ZNF490: variants seen among roughly 807,000 people sequenced by gnomAD.
ZNF490 encodes the protein zinc finger protein 490.
A neutral mutation model predicts 17.7 loss-of-function variants in ZNF490; 11 were observed. That is an observed-to-expected ratio of 0.62 (90% CI 0.39 to 1.03). The LOEUF (loss-of-function observed/expected upper bound fraction) is 1.03. ZNF490 is among the 50% of genes least tolerant of loss of function. The pLI is 0.00. For missense variants in ZNF490, 542 were observed against 643.4 expected (o/e 0.84, Z 1.71); for synonymous variants, 222 against 216.1 (o/e 1.03, Z -0.24).
In ZNF490 at chr19:12,588,112, C is replaced by T. The variant is rs1290483318; in HGVS notation, c.163-4556G>A. ...CTCAAACTCCTGACCTCAGGCGATC[C>T]GCCTGCCTCCCAAAGTGCTGAGATT... On this transcript the variant is annotated intron_variant, in intron 2 of 4. Transcript: ENST00000311437. Among the ~76,000 whole-genome samples, 5 of 132,032 alleles carry T rather than the reference C, an allele frequency of 3.8e-5. 1 individual carries two copies. The highest frequency in any genetic ancestry group is 1.3e-4 in the African/African-American group (5 of 37,250). The allele number at this position is 132,032 out of a possible 152,430, so 86.6% of individuals were successfully genotyped here. A position where few individuals can be genotyped will look rare whatever the true frequency, so the allele number is the denominator to read the frequency against.
intron 2 of ZNF490, among the ~76,000 whole-genome samples, chr19:12,590,077 G>A (rs1054232168): frequency 2.6e-5 from 4 of 151,854 alleles, no homozygotes; most frequent in South Asian, 2.1e-4. Context: ...ACCACGCCCC[G>A]CTAATTTTTT....
chr19:12,603,592 A>G (rs1420847610), intron 2 of ZNF490, among the ~76,000 whole-genome samples: 1 of 152,122 alleles, frequency 6.6e-6, no homozygotes, highest in African/African-American at 2.4e-5. Flanking sequence ...GGTGTTTGAG[A>G]CCAGTCTGGG....
Position 12,581,643 on chromosome 19 carries a change from A to T in ZNF490, c.432T>A (p.Asn144Lys). The change falls in exon 5 of 5, where the codon AAT (asparagine) becomes AAA (lysine). Residue 144 changes from asparagine to lysine, a missense_variant. Asn to Lys is a moderately conservative substitution (Grantham distance 94). Transcript: ENST00000311437. ...ATCCAGTAGGAGTTTCCAGGTTCGT[A>T]TTAAGATCAGGAATCTGGCTAGTGC... ...GKSTSQIPDLNTNLETPTGLK... is the reference protein window; with the variant it reads ...GKSTSQIPDLKTNLETPTGLK... The T allele has an allele frequency of 6.2e-7, 1 of 1,614,164 alleles. No individual in the cohort carries two copies. Among genetic ancestry groups the T allele is most frequent in the Non-Finnish European group, 8.5e-7 (1 of 1,180,012 alleles).
chr19:12,605,561 C>CA (rs1224007233), intron 2 of ZNF490, among the ~76,000 whole-genome samples: 1 of 151,880 alleles, frequency 6.6e-6, no homozygotes, highest in Non-Finnish European at 1.5e-5. Context: ...GCTGCTACAG[C>CA]AAATTAATCA....
chr19:12,578,206 T>C lies in ZNF490; in HGVS notation c.*2279A>G. Reference sequence around the variant, plus strand: ...AAGGCCGGAGCATCATCAGTGCATATGCCGCTGAATATCTCAGGGTAGAAT... The same window carrying C: ...AAGGCCGGAGCATCATCAGTGCATACGCCGCTGAATATCTCAGGGTAGAAT... On this transcript the variant is annotated 3_prime_UTR_variant, in exon 5 of 5. Transcript: ENST00000311437. 11 of 985,498 alleles carry C rather than the reference T, an allele frequency of 1.1e-5. No individual in the cohort carries two copies. Among genetic ancestry groups the C allele is most frequent in the Non-Finnish European group, 1.3e-5 (11 of 829,998 alleles). 61.0% of individuals were successfully genotyped at this position (985,498 alleles called of 1,614,324 possible).
At position 12,580,350 on chromosome 19, in the gene ZNF490, C is replaced by G; in HGVS notation, c.*135G>C. On this transcript the variant is annotated 3_prime_UTR_variant, in exon 5 of 5. Coordinates refer to ENST00000311437, the MANE Select transcript of ZNF490 (RefSeq NM_020714.3). Reference sequence around the variant, plus strand: ...AAATATTTCATTGCCGCATGAGTCACGTCTTCAAAGGGAATTAGGACAACT... The same window carrying G: ...AAATATTTCATTGCCGCATGAGTCAGGTCTTCAAAGGGAATTAGGACAACT... 1 of 1,462,060 alleles carries G rather than the reference C, an allele frequency of 6.8e-7. No homozygotes were observed. The highest frequency in any genetic ancestry group is 9.0e-7 in the Non-Finnish European group (1 of 1,112,614). 90.6% of individuals were successfully genotyped at this position (1,462,060 alleles called of 1,614,324 possible).
chr19:12,589,771 G>T (rs2022845264), intron 2 of ZNF490, among the ~76,000 whole-genome samples: 1 of 151,966 alleles, frequency 6.6e-6, no homozygotes, highest in Non-Finnish European at 1.5e-5. Flanking sequence ...GTACATACAA[G>T]AAACCTGCAG....
At chr19:12,603,907 C>T (rs191295668) in intron 2 of ZNF490, among the ~76,000 whole-genome samples, 3 of 152,202 alleles carry the variant, frequency 2.0e-5, no homozygotes, top group South Asian at 2.1e-4. Context: ...TCCACCACAG[C>T]TAAGTTTATG....
intron 2 of ZNF490, among the ~76,000 whole-genome samples, chr19:12,598,830 T>A (rs2022966251): frequency 6.6e-6 from 1 of 150,674 alleles, no homozygotes; most frequent in Non-Finnish European, 1.5e-5. Flanking sequence ...CTACTAAAAA[T>A]ACAAAAATTA....
Position 12,588,070 on chromosome 19 carries a change from A to G in ZNF490, c.163-4514T>C, listed in dbSNP as rs548005252. On this transcript the variant is annotated intron_variant, in intron 2 of 4. Transcript: ENST00000311437. ...TTTTTAGTAGAGACAGGGTTTCACCATGTTGGCCAGGCTGGTCTCAAACTC... is the reference window on the plus strand; with the variant it reads ...TTTTTAGTAGAGACAGGGTTTCACCGTGTTGGCCAGGCTGGTCTCAAACTC... 1.3e-4 allele frequency among the ~76,000 whole-genome samples: 6 copies of G among 47,582 alleles called. 3 individuals are homozygous for G. Among genetic ancestry groups the G allele is most frequent in the Non-Finnish European group, 4.2e-4 (6 of 14,280 alleles). 31.2% of individuals were successfully genotyped at this position (47,582 alleles called of 152,430 possible). A position where few individuals can be genotyped will look rare whatever the true frequency, so the allele number is the denominator to read the frequency against.
At chr19:12,588,965 C>T (rs780725322) in intron 2 of ZNF490, among the ~76,000 whole-genome samples, 2 of 152,114 alleles carry the variant, frequency 1.3e-5, no homozygotes, top group East Asian at 1.9e-4. Flanking sequence ...GAAATGTAGA[C>T]GATTGAACAC....
At chr19:12,582,989 G>A in intron 3 of ZNF490, 79 bp from the exon 4 acceptor site, 1 of 1,181,574 alleles carries the variant, frequency 8.5e-7, no homozygotes, top group Non-Finnish European at 1.2e-6. Context: ...TCCATGATTA[G>A]CTATTGATTA....
At chr19:12,606,246 G>A (rs904320640) in intron 2 of ZNF490, among the ~76,000 whole-genome samples, 21 of 151,158 alleles carry the variant, frequency 1.4e-4, no homozygotes, top group Non-Finnish European at 3.1e-4. Flanking sequence ...AAGCTGGAGT[G>A]CAGTGGCACA....
chr19:12,596,403 G>A (rs1334552382), intron 2 of ZNF490, among the ~76,000 whole-genome samples: 2 of 152,066 alleles, frequency 1.3e-5, no homozygotes, highest in Non-Finnish European at 2.9e-5. Context: ...ATTCACAAGG[G>A]CCAGGCATGG....
chr19:12,603,688 A>G (rs1201230705), intron 2 of ZNF490, among the ~76,000 whole-genome samples: 1 of 151,326 alleles, frequency 6.6e-6, no homozygotes, highest in Non-Finnish European at 1.5e-5. Flanking sequence ...GCTACTCAGG[A>G]GGCTGTGGTG....
At chr19:12,609,041 G>T in intron 2 of ZNF490, 117 bp downstream of exon 2, 1 of 854,478 alleles carries the variant, frequency 1.2e-6, no homozygotes, top group Non-Finnish European at 1.9e-6. Flanking sequence ...TTGACTATGG[G>T]AGTGCCTTCA....
In ZNF490 at chr19:12,579,049, C is replaced by G; in HGVS notation, c.*1436G>C. 1 of 502,962 alleles carries G rather than the reference C, an allele frequency of 2.0e-6. No homozygotes were observed. Among genetic ancestry groups the G allele is most frequent in the Non-Finnish European group, 2.6e-6 (1 of 389,368 alleles). 31.2% of individuals were successfully genotyped at this position (502,962 alleles called of 1,614,324 possible). On this transcript the variant is annotated 3_prime_UTR_variant, in exon 5 of 5. Coordinates refer to ENST00000311437, the MANE Select transcript of ZNF490 (RefSeq NM_020714.3). ...AGGGCGGATCACGAGGTCAGGAGAT[C>G]AAGACTATCCTGGCTAACACGGTGA...
At chr19:12,609,301 C>G in intron 1 of ZNF490, 99 bp from the exon 2 acceptor site, 1 of 980,810 alleles carries the variant, frequency 1.0e-6, no homozygotes, top group Non-Finnish European at 1.6e-6. Flanking sequence ...CTGCATCTAC[C>G]TGTACACACA....
At chr19:12,597,159 C>T (rs1333285861) in intron 2 of ZNF490, 1 of 461,232 alleles carries the variant, frequency 2.2e-6, no homozygotes, top group Non-Finnish European at 4.4e-6. Context: ...CATTTCTCGG[C>T]TTACGGAGGC....
Sources: gnomAD v4.1 joint callset for allele counts (sites outside exome capture counted in the v4.1 genomes callset) on GRCh38, gnomAD v4.1.1 for gene constraint, MANE v1.5 for transcripts, NCBI Gene and HGNC (gene_info 2026-07-23, HGNC 2026-07-21) for gene names.